The following MCCC2 variants were observed in gnomAD, a reference collection of about 807,000 sequenced individuals.
The protein encoded by MCCC2 is methylcrotonyl-CoA carboxylase subunit 2.
MCCC2 carries 52 observed loss-of-function variants against 77.2 expected under a neutral mutation model. The ratio of observed to expected loss-of-function variants is 0.67; its 90% confidence interval spans 0.54 to 0.85. The LOEUF is 0.85. Ranked by LOEUF, MCCC2 falls within the 40% of genes least tolerant of loss-of-function variation. MCCC2 has a pLI of 0.00. For synonymous variants in MCCC2, 253 were observed against 248.4 expected, an observed-to-expected ratio of 1.02 and a Z score of -0.18; for missense variants, 682 against 703.2, an observed-to-expected ratio of 0.97 and a Z score of 0.34.
chr5:71,601,311 C>A (rs1745420466), intron 4 of MCCC2, among the ~76,000 whole-genome samples: 1 of 152,144 alleles, frequency 6.6e-6, no homozygotes, highest in Non-Finnish European at 1.5e-5. Flanking sequence ...TGGCCTCTTT[C>A]CAGTACCAGA....
At position 71,589,281 on chromosome 5, in the gene MCCC2, C is replaced by T. The variant is rs187831979; in HGVS notation, c.129+1727C>T. Among the ~76,000 whole-genome samples the T allele has an allele frequency of 2.6e-5, 4 of 152,308 alleles. No individual in the cohort carries two copies. In the East Asian group the frequency reaches 5.8e-4, roughly 22 times the overall value. ...GTATGAATCACCTTTTGCTAGGTTG[C>T]GCTTTGTGTAACAAATAATCAAAAA... On this transcript the variant is annotated intron_variant, in intron 1 of 16. Coordinates refer to ENST00000340941, the MANE Select transcript of MCCC2 (RefSeq NM_022132.5).
Position 71,624,645 on chromosome 5 carries a change from G to A in MCCC2, c.625-1995G>A, listed in dbSNP as rs191300178. On this transcript the variant is annotated intron_variant, in intron 6 of 16. Coordinates refer to ENST00000340941, the MANE Select transcript of MCCC2 (RefSeq NM_022132.5). ...GCCCACCTCAGCCTCCCAAAGTGCTGGGATTACAGGCGTGAGCTACCACAC... is the reference window on the plus strand; with the variant it reads ...GCCCACCTCAGCCTCCCAAAGTGCTAGGATTACAGGCGTGAGCTACCACAC... Among the ~76,000 whole-genome samples the A allele has an allele frequency of 2.3e-3, 342 of 150,120 alleles. 3 individuals are homozygous for A. The highest frequency in any genetic ancestry group is 8.0e-3 in the African/African-American group (325 of 40,820).
At chr5:71,592,077 T>C (rs574105734) in intron 1 of MCCC2, among the ~76,000 whole-genome samples, 1 of 152,126 alleles carries the variant, frequency 6.6e-6, no homozygotes, top group Non-Finnish European at 1.5e-5. Flanking sequence ...CTGTTCTTTT[T>C]AAAACATAAA....
At chr5:71,618,861 T>G (rs1468382584) in intron 6 of MCCC2, among the ~76,000 whole-genome samples, 1 of 152,196 alleles carries the variant, frequency 6.6e-6, no homozygotes, top group Non-Finnish European at 1.5e-5. Flanking sequence ...TACTTTTGAT[T>G]TTTATAATTG....
chr5:71,613,886 G>A (rs1329069203), intron 6 of MCCC2, among the ~76,000 whole-genome samples: 2 of 151,282 alleles, frequency 1.3e-5, no homozygotes, highest in African/African-American at 4.9e-5. Context: ...TTCAGGAAGG[G>A]GTCAGAAAAG....
chr5:71,614,066 T>G (rs757365771), intron 6 of MCCC2, among the ~76,000 whole-genome samples: 1 of 121,460 alleles, frequency 8.2e-6, no homozygotes, highest in African/African-American at 2.9e-5. Flanking sequence ...CAGTATTTCT[T>G]TGAGCTACTT....
rs947690242 is a variant in MCCC2, at chr5:71,598,596, C to T, written c.282-1063C>T. 2.7e-5 allele frequency among the ~76,000 whole-genome samples: 4 copies of T among 147,388 alleles called. No individual in the cohort carries two copies. In the East Asian group the frequency reaches 8.2e-4, roughly 30 times the overall value. On this transcript the variant is annotated intron_variant, in intron 3 of 16. Coordinates refer to ENST00000340941, the MANE Select transcript of MCCC2 (RefSeq NM_022132.5). The stretch of plus-strand genomic sequence containing the variant: ...CTGGGATTACAGGCACGTGCCTCCA[C>T]GCCTGGCTAATTTTTTTTTTTTTTT...
chr5:71,602,407 C>G, intron 4 of MCCC2, 99 bp from the exon 5 acceptor site: 5 of 1,462,420 alleles, frequency 3.4e-6, no homozygotes, highest in South Asian at 1.1e-5. Flanking sequence ...GTGATACGTA[C>G]TAGAAGTTGA....
At chr5:71,633,131 A>ATATATTT (rs1554137344) in intron 8 of MCCC2, among the ~76,000 whole-genome samples, 6 of 78,094 alleles carry the variant, frequency 7.7e-5, no homozygotes, top group African/African-American at 3.0e-4. Flanking sequence ...ATATATATAT[A>ATATATTT]TTTTTATTTT....
chr5:71,618,433 G>A (rs986228627), intron 6 of MCCC2, among the ~76,000 whole-genome samples: 2 of 152,082 alleles, frequency 1.3e-5, no homozygotes, highest in African/African-American at 4.8e-5. Flanking sequence ...CCAGCTTCCA[G>A]AACCGTGAAA....
chr5:71,610,388 C>A (rs978782765), intron 6 of MCCC2, among the ~76,000 whole-genome samples: 1 of 152,188 alleles, frequency 6.6e-6, no homozygotes, highest in Non-Finnish European at 1.5e-5. Flanking sequence ...TGACCCCTTG[C>A]GCTTCCCAAG....
At chr5:71,648,964 C>T (rs1747350815) in intron 13 of MCCC2, 133 bp from the exon 14 acceptor site, 4 of 1,031,396 alleles carry the variant, frequency 3.9e-6, no homozygotes, top group Non-Finnish European at 6.1e-6. Context: ...GTATGTTTCA[C>T]ATATAAACAT....
intron 11 of MCCC2, among the ~76,000 whole-genome samples, chr5:71,641,686 CATA>C (rs1747126753): frequency 6.6e-6 from 1 of 152,074 alleles, no homozygotes; most frequent in South Asian, 2.1e-4. Context: ...ATGCTAGACC[CATA>C]ATAATCTATT....
At chr5:71,612,497 A>G (rs148157024) in intron 6 of MCCC2, among the ~76,000 whole-genome samples, 10 of 152,126 alleles carry the variant, frequency 6.6e-5, no homozygotes, top group African/African-American at 2.2e-4. Flanking sequence ...TGAAATTCGT[A>G]TTGTGGTCTC....
Position 71,656,843 on chromosome 5 carries a change from G to A in MCCC2, c.1675G>A (p.Gly559Ser), listed in dbSNP as rs138818785. 6 of 1,613,100 alleles carry A rather than the reference G, an allele frequency of 3.7e-6. No homozygotes were observed. Among genetic ancestry groups the A allele is most frequent in the South Asian group, 1.1e-5 (1 of 91,042 alleles). ...CGCACCAATAGAGAAGACTGACTTC[G>A]GTATCTTCAGGATGTAACTGGAATA... ...LNAPIEKTDF[G>S]IFRM Residue 559 changes from glycine (G) to serine (S), a missense_variant, in exon 17 of 17, where the codon GGT becomes AGT. Coordinates refer to ENST00000340941, the MANE Select transcript of MCCC2 (RefSeq NM_022132.5).
intron 12 of MCCC2, among the ~76,000 whole-genome samples, chr5:71,644,502 A>T (rs1747224331): frequency 1.3e-5 from 2 of 152,094 alleles, no homozygotes. Context: ...AAGACATCAG[A>T]AAAAAGAGGG....
At chr5:71,644,951 T>G (rs1407244609) in intron 12 of MCCC2, among the ~76,000 whole-genome samples, 1 of 152,172 alleles carries the variant, frequency 6.6e-6, no homozygotes, top group East Asian at 1.9e-4. Context: ...CATTTTATTA[T>G]TTTTTCTTAA....
At chr5:71,601,799 C>T (rs1399452994) in intron 4 of MCCC2, among the ~76,000 whole-genome samples, 2 of 152,140 alleles carry the variant, frequency 1.3e-5, no homozygotes, top group Non-Finnish European at 2.9e-5. Context: ...TTAAGGTTTC[C>T]TGCCAGTGCT....
At chr5:71,652,326 A>T (rs555520964) in intron 15 of MCCC2, among the ~76,000 whole-genome samples, 14 of 152,318 alleles carry the variant, frequency 9.2e-5, no homozygotes, top group African/African-American at 3.1e-4. Context: ...ACTTTTCCAC[A>T]TTCTTAACTG....
Sources: allele counts gnomAD v4.1 joint callset (sites outside exome capture counted in the v4.1 genomes callset), GRCh38; gene constraint gnomAD v4.1.1; transcripts MANE v1.5; gene names NCBI Gene and HGNC (gene_info 2026-07-23, HGNC 2026-07-21).